The following PUDP variants were observed in gnomAD, a reference collection of about 807,000 sequenced individuals.
PUDP encodes the protein pseudouridine 5'-phosphatase, also known as pseudouridine-5'-phosphatase.
Under a neutral mutation model 9.4 loss-of-function variants are expected in PUDP, and 8 were observed. The ratio of observed to expected loss-of-function variants is 0.85; its 90% CI spans 0.50 to 1.53. The LOEUF is 1.53. Ranked by LOEUF, PUDP falls within the 40% of genes most tolerant of loss-of-function variation. PUDP has a pLI of 0.00. For missense variants in PUDP, 188 were observed against 189.7 expected, an observed-to-expected ratio of 0.99 and a Z score of 0.05; for synonymous variants, 99 against 80.7, an observed-to-expected ratio of 1.23 and a Z score of -1.22.
chrX:6,891,148 C>A lies in PUDP; in HGVS notation c.*247+85985G>T, dbSNP rs377056310. On this transcript the variant is annotated intron_variant and NMD_transcript_variant, in intron 3 of 3. Coordinates refer to the PUDP transcript ENST00000655425. ...GTAAATAAATAAATCAACAGAAATA[C>A]ACATAAAACAATGTTATGTATTGAT... 3.6e-5 allele frequency among the ~76,000 whole-genome samples: 4 copies of A among 110,155 alleles called. 1 individual carries two copies. The East Asian group carries it at 1.1e-3, about 32-fold the overall frequency.
At chrX:6,813,208 A>G (rs1926173161) in intron 3 of PUDP, among the ~76,000 whole-genome samples, 1 of 111,245 alleles carries the variant, frequency 9.0e-6, no homozygotes, top group Non-Finnish European at 1.9e-5. Flanking sequence ...GAGAAAATAA[A>G]AGAAAAGAAG....
chrX:6,792,381 A>C (rs890755942), intron 3 of PUDP, among the ~76,000 whole-genome samples: 1 of 109,112 alleles, frequency 9.2e-6, no homozygotes, highest in African/African-American at 3.3e-5. Context: ...CCAAATATGG[A>C]AACTTGGCAC....
At chrX:6,723,523 A>G (rs187203229), upstream of PUDP, among the ~76,000 whole-genome samples, 87 of 108,774 alleles carry the variant, frequency 8.0e-4, no homozygotes, top group Non-Finnish European at 1.1e-3. Flanking sequence ...TTTGTTAAAA[A>G]GAGAAAGCTA....
intron 1 of PUDP, among the ~76,000 whole-genome samples, chrX:7,120,252 T>C (rs1932304885): frequency 9.0e-6 from 1 of 111,324 alleles, no homozygotes; most frequent in South Asian, 3.8e-4. Flanking sequence ...ATTAAGAATC[T>C]TGAGGTGGGG....
intron 3 of PUDP, among the ~76,000 whole-genome samples, chrX:6,802,873 G>A (rs1041719536): frequency 1.0e-5 from 1 of 100,088 alleles, no homozygotes; most frequent in Admixed American, 1.2e-4. Flanking sequence ...CAACAAGAGC[G>A]AGACTTTTTG....
chrX:6,726,425 G>T (rs373458782), upstream of PUDP, among the ~76,000 whole-genome samples: 23 of 111,239 alleles, frequency 2.1e-4, no homozygotes, highest in African/African-American at 7.5e-4. Flanking sequence ...TAGAAGAGAG[G>T]ATTTTTAATG....
Position 7,148,149 on chromosome X carries a change from G to A in PUDP, c.-36C>T, listed in dbSNP as rs765707679. The A allele has an allele frequency of 8.8e-6, 9 of 1,024,205 alleles. No individual in the cohort carries two copies. The highest frequency in any genetic ancestry group is 8.7e-5 in the South Asian group (4 of 45,771). 84.4% of individuals were successfully genotyped at this position (1,024,205 alleles called of 1,213,427 possible). The stretch of plus-strand genomic sequence containing the variant: ...TCTGGGTCTGGGTGGGGGCGAGGAG[G>A]AAGTGCGCGCGCACCCGCCCGCCCC... On this transcript the variant is annotated 5_prime_UTR_variant, in exon 1 of 4. Coordinates refer to ENST00000381077, the MANE Select transcript of PUDP (RefSeq NM_012080.5).
intron 1 of PUDP, among the ~76,000 whole-genome samples, chrX:6,983,460 G>A (rs1929064625): frequency 9.0e-6 from 1 of 111,608 alleles, no homozygotes; most frequent in Non-Finnish European, 1.9e-5. Flanking sequence ...CAAAATATTG[G>A]TCTTAGGCTC....
chrX:7,036,311 T>C (rs1217637410), intron 1 of PUDP, among the ~76,000 whole-genome samples: 1 of 112,044 alleles, frequency 8.9e-6, no homozygotes, highest in Non-Finnish European at 1.9e-5. Flanking sequence ...TTTCCATAAC[T>C]TCAAATACCA....
intron 3 of PUDP, among the ~76,000 whole-genome samples, chrX:6,903,921 A>AC (rs1396937397): frequency 9.3e-6 from 1 of 108,096 alleles, no homozygotes; most frequent in Non-Finnish European, 1.9e-5. Flanking sequence ...AAACATGCAC[A>AC]TGTACCCCCA....
intron 1 of PUDP, among the ~76,000 whole-genome samples, chrX:6,714,494 A>G (rs1660240032): frequency 1.8e-5 from 2 of 111,801 alleles, no homozygotes; most frequent in Admixed American, 9.5e-5. Flanking sequence ...CTTTTGATGT[A>G]TAGATAGATA....
At chrX:6,786,777 CT>C (rs1421302364) in intron 3 of PUDP, among the ~76,000 whole-genome samples, 1 of 112,211 alleles carries the variant, frequency 8.9e-6, no homozygotes, top group African/African-American at 3.2e-5. Context: ...CATCATACCC[CT>C]GGTATTTGTT....
chrX:6,969,250 A>G (rs926810463), intron 3 of PUDP, among the ~76,000 whole-genome samples: 1 of 112,166 alleles, frequency 8.9e-6, no homozygotes, highest in Non-Finnish European at 1.9e-5. Context: ...CTGCTCTTAA[A>G]ATAGTCATGG....
intron 3 of PUDP, among the ~76,000 whole-genome samples, chrX:6,756,092 G>T (rs888568371): frequency 9.0e-6 from 1 of 110,623 alleles, no homozygotes; most frequent in African/African-American, 3.3e-5. Flanking sequence ...CCATAAACTA[G>T]GAAGTAAGAC....
intron 1 of PUDP, among the ~76,000 whole-genome samples, chrX:7,129,950 G>A (rs1342995788): frequency 1.8e-5 from 2 of 111,628 alleles, no homozygotes; most frequent in Non-Finnish European, 3.8e-5. Context: ...ACGGAGCACC[G>A]CCCAACAAAT....
At chrX:6,879,435 TACACACACACACAC>T (rs753425131) in intron 3 of PUDP, among the ~76,000 whole-genome samples, 2 of 102,058 alleles carry the variant, frequency 2.0e-5, no homozygotes, top group African/African-American at 7.1e-5. Flanking sequence ...ACAGCACAAT[TACACACACACACAC>T]ACACACACAC....
chrX:6,893,424 C>A (rs1446177483), intron 3 of PUDP, among the ~76,000 whole-genome samples: 1 of 111,714 alleles, frequency 9.0e-6, no homozygotes, highest in African/African-American at 3.3e-5. Context: ...TTACCATTTT[C>A]CCCCTAAAAT....
intron 3 of PUDP, among the ~76,000 whole-genome samples, chrX:6,931,702 G>C (rs1487525749): frequency 2.7e-5 from 3 of 111,446 alleles, no homozygotes; most frequent in Non-Finnish European, 5.7e-5. Context: ...CAGCTGAAAG[G>C]GAAGGATTCC....
chrX:6,795,149 C>T (rs767739790), intron 3 of PUDP, among the ~76,000 whole-genome samples: 4 of 110,537 alleles, frequency 3.6e-5, no homozygotes, highest in South Asian at 3.9e-4. Context: ...AGGAATTTTT[C>T]GGCTCTATTA....
Sources: gnomAD v4.1 joint callset for allele counts (sites outside exome capture counted in the v4.1 genomes callset) on GRCh38, gnomAD v4.1.1 for gene constraint, MANE v1.5 for transcripts, NCBI Gene and HGNC (gene_info 2026-07-23, HGNC 2026-07-21) for gene names.